DARS1: variants seen among roughly 807,000 people sequenced by gnomAD.
DARS1 encodes aspartate--tRNA ligase, cytoplasmic.
A neutral mutation model predicts 68.8 loss-of-function variants in DARS1; 51 were observed. The observed-to-expected ratio is 0.74, with a 90% CI of 0.59 to 0.94. DARS1 has a LOEUF of 0.94. Ranked by LOEUF, DARS1 falls within the 40% of genes least tolerant of loss-of-function variation. The pLI is 0.00. For synonymous variants in DARS1, 203 were observed against 190.4 expected (o/e 1.07, Z -0.55); for missense variants, 607 against 597.3 (o/e 1.02, Z -0.17).
chr2:135,923,259 A>T (rs1681143113), intron 8 of DARS1, among the ~76,000 whole-genome samples: 1 of 151,884 alleles, frequency 6.6e-6, no homozygotes, highest in Non-Finnish European at 1.5e-5. Flanking sequence ...TTCCTCTTTT[A>T]AAAAAATTTC....
chr2:135,939,375 A>G (rs1681544186), intron 5 of DARS1, among the ~76,000 whole-genome samples: 1 of 152,238 alleles, frequency 6.6e-6, no homozygotes, highest in Non-Finnish European at 1.5e-5. Context: ...CTACTCAACT[A>G]CATGGAAACT....
Position 135,907,261 on chromosome 2 carries a change from T to TTTTTG in DARS1, c.*54_*55insCAAAA. 2 of 889,238 alleles carry TTTTTG rather than the reference T, an allele frequency of 2.2e-6. No individual in the cohort carries two copies. The highest frequency in any genetic ancestry group is 1.8e-5 in the South Asian group (1 of 56,438). 55.1% of individuals were successfully genotyped at this position (889,238 alleles called of 1,614,324 possible). ...GGCTTTCTTTTTTTTTTTTTTTTTT[T>TTTTTG]GAGGCAGGGTCTCGCTCTGTCATCC... On this transcript the variant is annotated 3_prime_UTR_variant, in exon 16 of 16. Coordinates refer to ENST00000264161, the MANE Select transcript of DARS1 (RefSeq NM_001349.4).
chr2:135,923,983 T>A (rs1456619231), intron 8 of DARS1, among the ~76,000 whole-genome samples: 1 of 152,124 alleles, frequency 6.6e-6, no homozygotes, highest in African/African-American at 2.4e-5. Context: ...AACACTGCAC[T>A]CCAGCCTGGG....
chr2:135,947,513 T>C (rs1004396655), intron 4 of DARS1, among the ~76,000 whole-genome samples: 5 of 152,120 alleles, frequency 3.3e-5, no homozygotes, highest in African/African-American at 1.2e-4. Context: ...AATTCCCTTT[T>C]ATGTTCCAGG....
chr2:135,968,219 A>T (rs1004062726), intron 3 of DARS1, among the ~76,000 whole-genome samples: 1 of 152,282 alleles, frequency 6.6e-6, no homozygotes, highest in South Asian at 2.1e-4. Flanking sequence ...AGTTGAGATC[A>T]TATCACTGCA....
intron 5 of DARS1, among the ~76,000 whole-genome samples, chr2:135,936,676 A>G (rs1436307411): frequency 6.6e-6 from 1 of 152,240 alleles, no homozygotes; most frequent in African/African-American, 2.4e-5. Context: ...CTCTTTGGTC[A>G]GTTTGTCTTT....
Position 135,979,364 on chromosome 2 carries a change from G to T in DARS1, c.127C>A (p.Arg43=). Residue 43 remains arginine, a splice_region_variant and synonymous_variant, in exon 3 of 16, where the codon CGA becomes AGA. Transcript: ENST00000264161. ...SMIQSQEKPD[R]VLVRVRDLTI... The stretch of plus-strand genomic sequence containing the variant: ...AAGTCTCTAACCCGAACCAAAACTC[G>T]ATCTGTAATAACAGTAAACGATTTT... 7.7e-7 allele frequency: 1 copy of T among 1,290,604 alleles called. No homozygotes were observed. The highest frequency in any genetic ancestry group is 1.1e-6 in the Non-Finnish European group (1 of 885,248). The allele number at this position is 1,290,604 out of a possible 1,614,324, so 79.9% of individuals were successfully genotyped here.
chr2:135,952,973 T>C (rs148358186), intron 4 of DARS1, among the ~76,000 whole-genome samples: 106 of 152,364 alleles, frequency 7.0e-4, no homozygotes, highest in African/African-American at 2.5e-3. Flanking sequence ...ATAGAGGCTA[T>C]ACTAATTTAC....
chr2:135,947,233 C>T (rs1681744683), intron 4 of DARS1, among the ~76,000 whole-genome samples: 1 of 151,926 alleles, frequency 6.6e-6, no homozygotes, highest in African/African-American at 2.4e-5. Context: ...TGGTGAAACC[C>T]AGTCTCTACT....
Position 135,943,485 on chromosome 2 carries a change from C to T in DARS1, c.321-5G>A. ...ACAATGCTCTCTTTGTTGATGCTGT[C>T]AAGAGAAAAAATTCCCAACTTGAAT... On this transcript the variant is annotated splice_region_variant and splice_polypyrimidine_tract_variant and intron_variant, in intron 4 of 15. Coordinates refer to ENST00000264161, the MANE Select transcript of DARS1 (RefSeq NM_001349.4). 3 of 1,609,230 alleles carry T rather than the reference C, an allele frequency of 1.9e-6. No homozygotes were observed. The highest frequency in any genetic ancestry group is 2.5e-6 in the Non-Finnish European group (3 of 1,178,624).
chr2:135,955,050 G>C (rs1360802865), intron 4 of DARS1, among the ~76,000 whole-genome samples: 3 of 151,414 alleles, frequency 2.0e-5, no homozygotes, highest in African/African-American at 7.3e-5. Flanking sequence ...GGATAAACTT[G>C]GCAGTTGGTA....
At chr2:135,929,111 A>C (rs999519589) in intron 7 of DARS1, among the ~76,000 whole-genome samples, 1 of 152,174 alleles carries the variant, frequency 6.6e-6, no homozygotes, top group Non-Finnish European at 1.5e-5. Flanking sequence ...TGTCCTATGG[A>C]GGGACCCTGT....
intron 3 of DARS1, among the ~76,000 whole-genome samples, chr2:135,978,250 G>A (rs1378236830): frequency 6.6e-6 from 1 of 151,468 alleles, no homozygotes; most frequent in Non-Finnish European, 1.5e-5. Flanking sequence ...TTAAAATAAT[G>A]GGCATGTATT....
rs772403763 is a variant in DARS1 at position 135,933,944 on chromosome 2, T to C, written c.470A>G (p.Asp157Gly). 9 of 1,613,792 alleles carry C rather than the reference T, an allele frequency of 5.6e-6. No individual in the cohort carries two copies. The highest frequency in any genetic ancestry group is 7.6e-6 in the Non-Finnish European group (9 of 1,179,750). The part of the protein sequence containing the change: ...LAEPRLPLQL[D>G]DAVRPEAEGE... ...TTCTGCCTCAGGCCGAACAGCATCA[T>C]CCAGCTGCAGGGGCAGACGGGGTTC... The change falls in exon 6 of 16, where the codon GAT (aspartate) becomes GGT (glycine). Residue 157 changes from aspartate to glycine, a missense_variant. Physicochemically the swap from Asp to Gly is moderately conservative, Grantham distance 94. Transcript: ENST00000264161.
chr2:135,912,642 A>T, intron 12 of DARS1, 76 bp from the exon 13 acceptor site: 1 of 629,170 alleles, frequency 1.6e-6, no homozygotes, highest in Non-Finnish European at 2.8e-6. Context: ...TTAACTTTAT[A>T]CAAAAATTTT....
intron 7 of DARS1, among the ~76,000 whole-genome samples, chr2:135,927,303 T>G (rs1049090000): frequency 1.2e-4 from 18 of 152,158 alleles, no homozygotes; most frequent in African/African-American, 4.1e-4. Flanking sequence ...GCTTCTAAAC[T>G]ATAGTACATA....
At chr2:135,959,309 G>C (rs1340935699) in intron 4 of DARS1, among the ~76,000 whole-genome samples, 2 of 144,744 alleles carry the variant, frequency 1.4e-5, no homozygotes, top group Non-Finnish European at 3.0e-5. Flanking sequence ...CAGGAGAATT[G>C]CTTGAACCGG....
intron 4 of DARS1, among the ~76,000 whole-genome samples, chr2:135,953,408 T>G (rs1315841481): frequency 6.6e-6 from 1 of 152,230 alleles, no homozygotes; most frequent in African/African-American, 2.4e-5. Flanking sequence ...GGTTTTATTT[T>G]CAACATCAGT....
intron 4 of DARS1, among the ~76,000 whole-genome samples, chr2:135,945,455 C>A (rs562681654): frequency 2.6e-5 from 4 of 152,042 alleles, no homozygotes; most frequent in African/African-American, 9.7e-5. Flanking sequence ...AAGGACTGAG[C>A]GTCATGCTAG....
Sources: gnomAD v4.1 joint callset for allele counts (sites outside exome capture counted in the v4.1 genomes callset) on GRCh38, gnomAD v4.1.1 for gene constraint, MANE v1.5 for transcripts, NCBI Gene and HGNC (gene_info 2026-07-23, HGNC 2026-07-21) for gene names.